The following ADAM18 variants were observed in gnomAD, a reference collection of about 807,000 sequenced individuals.
The protein encoded by ADAM18 is disintegrin and metalloproteinase domain-containing protein 18.
Under a neutral mutation model 94.4 loss-of-function variants are expected in ADAM18, and 117 were observed. The observed-to-expected ratio is 1.24, with a 90% CI of 1.07 to 1.45. The LOEUF is 1.45. Among genes scored for constraint, ADAM18 ranks in the 40% most tolerant of loss-of-function variants. The pLI, the probability that ADAM18 is intolerant of heterozygous loss-of-function variation, is 0.00. For missense variants in ADAM18, 936 were observed against 880.0 expected (o/e 1.06, Z -0.81); for synonymous variants, 327 against 291.6 (o/e 1.12, Z -1.24).
chr8:39,710,105 T>C (rs1822354222), intron 18 of ADAM18, among the ~76,000 whole-genome samples: 1 of 152,040 alleles, frequency 6.6e-6, no homozygotes, highest in African/African-American at 2.4e-5. Context: ...TTGTGTAGAG[T>C]GAGATGAGAT....
rs566242392 is a variant in ADAM18, at chr8:39,722,480, A to C, written c.2018-1268A>C. On this transcript the variant is annotated intron_variant, in intron 18 of 19. Coordinates refer to ENST00000265707, the MANE Select transcript of ADAM18 (RefSeq NM_014237.3). ...TAAGTGGGAGCTAAACAATGGGTAC[A>C]CATGAACATTCACAGTGGAATAATA... Among the ~76,000 whole-genome samples the C allele has an allele frequency of 4.0e-5, 6 of 151,306 alleles. No individual in the cohort carries two copies. The South Asian group carries it at 1.0e-3, about 26-fold the overall frequency.
intron 6 of ADAM18, among the ~76,000 whole-genome samples, chr8:39,617,126 A>ATGTC (rs1393158501): frequency 6.6e-6 from 1 of 152,084 alleles, no homozygotes; most frequent in Admixed American, 6.5e-5. Context: ...AATCCAGCAA[A>ATGTC]TGTCTAATAT....
chr8:39,671,233 G>T (rs1183460225), intron 14 of ADAM18, among the ~76,000 whole-genome samples: 1 of 152,168 alleles, frequency 6.6e-6, no homozygotes, highest in Non-Finnish European at 1.5e-5. Context: ...CCTCATCACT[G>T]GTGGAAGTTG....
chr8:39,625,665 T>C (rs1585911948), intron 6 of ADAM18, among the ~76,000 whole-genome samples: 1 of 152,310 alleles, frequency 6.6e-6, no homozygotes, highest in Middle Eastern at 3.4e-3. Flanking sequence ...TGATGCTCTC[T>C]GTGGGTTTGT....
At chr8:39,644,532 A>G (rs557619903) in intron 10 of ADAM18, among the ~76,000 whole-genome samples, 1 of 152,218 alleles carries the variant, frequency 6.6e-6, no homozygotes, top group Non-Finnish European at 1.5e-5. Context: ...AAGCAGTCCT[A>G]CTGCCTTGGC....
At chr8:39,651,065 A>G (rs1008454878) in intron 12 of ADAM18, among the ~76,000 whole-genome samples, 4 of 152,224 alleles carry the variant, frequency 2.6e-5, no homozygotes, top group Admixed American at 2.0e-4. Flanking sequence ...CATGTGAACA[A>G]ATGTCTCTGC....
Position 39,645,469 on chromosome 8 carries a change from A to G in ADAM18, c.1041A>G (p.Glu347=), listed in dbSNP as rs1445293463. 6.2e-7 allele frequency: 1 copy of G among 1,608,996 alleles called. No homozygotes were observed. Among genetic ancestry groups the G allele is most frequent in the Non-Finnish European group, 8.5e-7 (1 of 1,178,284 alleles). The change falls in exon 11 of 20, where the codon GAA becomes GAG. Residue 347 remains glutamate (E), a synonymous_variant. Transcript: ENST00000265707. ...GAGCTACATGCATCATGAATCATGAAGCAGTGTAAGATGTTTTCTTAATTA... is the reference window on the plus strand; with the variant it reads ...GAGCTACATGCATCATGAATCATGAGGCAGTGTAAGATGTTTTCTTAATTA... The part of the protein sequence containing the change: ...CLRATCIMNH[E]AVSASGRKIF...
intron 13 of ADAM18, among the ~76,000 whole-genome samples, chr8:39,665,697 A>T (rs1429949774): frequency 6.6e-6 from 1 of 152,208 alleles, no homozygotes; most frequent in Non-Finnish European, 1.5e-5. Context: ...ATCCATACAA[A>T]TTATTGATTA....
intron 2 of ADAM18, among the ~76,000 whole-genome samples, chr8:39,601,162 C>A (rs896771088): frequency 6.6e-6 from 1 of 152,186 alleles, no homozygotes; most frequent in African/African-American, 2.4e-5. Context: ...AAAGGGAAAT[C>A]TGCCTTTCTG....
At chr8:39,707,839 A>G (rs1329621711) in intron 18 of ADAM18, among the ~76,000 whole-genome samples, 3 of 152,194 alleles carry the variant, frequency 2.0e-5, no homozygotes, top group Non-Finnish European at 4.4e-5. Flanking sequence ...AGTCAAGAGT[A>G]TTCACCCTTT....
chr8:39,649,348 G>A (rs536207949), intron 12 of ADAM18, among the ~76,000 whole-genome samples: 11 of 151,840 alleles, frequency 7.2e-5, no homozygotes, highest in Non-Finnish European at 1.3e-4. Flanking sequence ...TTAAATGTAT[G>A]TTGTACATAT....
chr8:39,621,350 C>G (rs1223908246), intron 6 of ADAM18, among the ~76,000 whole-genome samples: 1 of 140,732 alleles, frequency 7.1e-6, no homozygotes, highest in Non-Finnish European at 1.6e-5. Context: ...CACACACACA[C>G]ACACACACTG....
chr8:39,667,148 T>C (rs981802350), intron 13 of ADAM18, among the ~76,000 whole-genome samples: 1 of 152,018 alleles, frequency 6.6e-6, no homozygotes, highest in Non-Finnish European at 1.5e-5. Context: ...ATGCCTGTAA[T>C]CCCAGCACTT....
At chr8:39,656,194 T>TG (rs1027125315) in intron 12 of ADAM18, among the ~76,000 whole-genome samples, 1 of 151,508 alleles carries the variant, frequency 6.6e-6, no homozygotes, top group African/African-American at 2.4e-5. Context: ...AAGGTGATCT[T>TG]GAAAAAAAAA....
intron 19 of ADAM18, among the ~76,000 whole-genome samples, chr8:39,726,779 C>T (rs1001031321): frequency 6.6e-6 from 1 of 152,084 alleles, no homozygotes; most frequent in Non-Finnish European, 1.5e-5. Flanking sequence ...GTGAATGGCT[C>T]CATTTTAGTT....
At chr8:39,625,261 G>T (rs879235323) in intron 6 of ADAM18, among the ~76,000 whole-genome samples, 2 of 152,008 alleles carry the variant, frequency 1.3e-5, no homozygotes, top group Admixed American at 1.3e-4. Context: ...CCTTGGGTAG[G>T]TATATTCTTA....
chr8:39,628,416 AATAGATAGATAG>A lies in ADAM18; in HGVS notation c.523-926_523-915del, dbSNP rs10689403. 3.3e-3 allele frequency among the ~76,000 whole-genome samples: 484 copies of A among 148,288 alleles called. 1 individual carries two copies. The highest frequency in any genetic ancestry group is 9.9e-3 in the African/African-American group (399 of 40,306). Reference sequence around the variant, plus strand: ...TGATGAATTGATAGACTGATAGATCAATAGATAGATAGATAGATAGATAGATAGATAGATAGA... The same window carrying A: ...TGATGAATTGATAGACTGATAGATCAATAGATAGATAGATAGATAGATAGA... On this transcript the variant is annotated intron_variant, in intron 6 of 19. Transcript: ENST00000265707.
At chr8:39,652,754 G>A (rs1585942254) in intron 12 of ADAM18, among the ~76,000 whole-genome samples, 2 of 152,142 alleles carry the variant, frequency 1.3e-5, no homozygotes, top group East Asian at 3.8e-4. Flanking sequence ...TTTCAGCCTT[G>A]TGTACAATAG....
chr8:39,709,372 T>A (rs2129581404), intron 18 of ADAM18, among the ~76,000 whole-genome samples: 1 of 152,298 alleles, frequency 6.6e-6, no homozygotes, highest in Non-Finnish European at 1.5e-5. Context: ...CTGTGCCAGC[T>A]GAGTCTGGGG....
Sources: gnomAD v4.1 joint callset for allele counts (sites outside exome capture counted in the v4.1 genomes callset) on GRCh38, gnomAD v4.1.1 for gene constraint, MANE v1.5 for transcripts, NCBI Gene and HGNC (gene_info 2026-07-23, HGNC 2026-07-21) for gene names.